The following NCKAP5 variants were observed in gnomAD, a reference collection of about 807,000 sequenced individuals.
NCKAP5 encodes the protein NCK associated protein 5.
A neutral mutation model predicts 167.0 loss-of-function variants in NCKAP5; 92 were observed. That is an observed-to-expected ratio of 0.55 (90% CI 0.47 to 0.66). NCKAP5 has a LOEUF of 0.66. Among genes scored for constraint, NCKAP5 ranks in the 30% least tolerant of loss-of-function variants. The pLI is 0.00. For synonymous variants in NCKAP5, 891 were observed against 877.4 expected, an observed-to-expected ratio of 1.02 and a Z score of -0.27; for missense variants, 2,378 against 2,315.0, an observed-to-expected ratio of 1.03 and a Z score of -0.56.
At chr2:133,462,120 T>A (rs1335616169) in intron 3 of NCKAP5, among the ~76,000 whole-genome samples, 4 of 152,226 alleles carry the variant, frequency 2.6e-5, no homozygotes, top group Admixed American at 6.5e-5. Context: ...TAAATAATTT[T>A]AAAAATGTAT....
intron 8 of NCKAP5, among the ~76,000 whole-genome samples, chr2:132,929,052 T>C (rs1051668628): frequency 6.6e-6 from 1 of 152,166 alleles, no homozygotes; most frequent in Admixed American, 6.5e-5. Context: ...TGATGGTATC[T>C]GGAGGCAAAC....
intron 3 of NCKAP5, among the ~76,000 whole-genome samples, chr2:133,346,861 CAGA>C (rs1684012799): frequency 6.6e-6 from 1 of 152,232 alleles, no homozygotes; most frequent in Admixed American, 6.5e-5. Flanking sequence ...GCTTGCTCAG[CAGA>C]AGACTTGAGT....
intron 6 of NCKAP5, among the ~76,000 whole-genome samples, chr2:133,028,209 A>G (rs1277963836): frequency 1.3e-5 from 2 of 152,190 alleles, no homozygotes; most frequent in African/African-American, 4.8e-5. Context: ...TTAGAGGAAT[A>G]AAAAATAAGA....
intron 16 of NCKAP5, among the ~76,000 whole-genome samples, chr2:132,770,572 A>G (rs1021383437): frequency 6.6e-6 from 1 of 151,872 alleles, no homozygotes; most frequent in Non-Finnish European, 1.5e-5. Flanking sequence ...CACTTTGAAG[A>G]GATACATCTG....
chr2:133,503,854 G>A (rs1266247747), intron 3 of NCKAP5, among the ~76,000 whole-genome samples: 1 of 152,172 alleles, frequency 6.6e-6, no homozygotes, highest in African/African-American at 2.4e-5. Flanking sequence ...AGAGCACATT[G>A]TCCATCAGCC....
intron 3 of NCKAP5, among the ~76,000 whole-genome samples, chr2:133,326,299 C>T (rs1682438516): frequency 6.6e-6 from 1 of 151,796 alleles, no homozygotes; most frequent in African/African-American, 2.4e-5. Context: ...ACTGAAAATA[C>T]AAAAATTAGC....
chr2:133,174,417 A>G (rs1449707030), intron 5 of NCKAP5, among the ~76,000 whole-genome samples: 2 of 152,172 alleles, frequency 1.3e-5, no homozygotes, highest in Non-Finnish European at 2.9e-5. Flanking sequence ...TTTAACATAT[A>G]TCATGGAAGA....
chr2:132,961,095 G>A (rs1307233300), intron 8 of NCKAP5, among the ~76,000 whole-genome samples: 3 of 151,810 alleles, frequency 2.0e-5, no homozygotes, highest in African/African-American at 7.3e-5. Context: ...AATCTTCCAG[G>A]GGAGCATTTC....
the NCKAP5 span, among the ~76,000 whole-genome samples, chr2:133,651,687 T>C: frequency 1.4e-3 from 216 of 152,288 alleles, 1 homozygote; most frequent in African/African-American, 5.0e-3. Flanking sequence ...GAAATCAGGA[T>C]CTCAAAGAGA....
At chr2:132,899,604 G>A (rs973150657) in intron 8 of NCKAP5, among the ~76,000 whole-genome samples, 1 of 152,268 alleles carries the variant, frequency 6.6e-6, no homozygotes, top group Non-Finnish European at 1.5e-5. Context: ...GCCGAGCACA[G>A]TGGCTCATGC....
Position 133,426,718 on chromosome 2 carries a change from A to G in NCKAP5, c.69+90740T>C, listed in dbSNP as rs1574936418. On this transcript the variant is annotated intron_variant, in intron 3 of 19. Transcript: ENST00000409261. ...TCAAGTATGGAAATTCAAATAAAGT[A>G]TGATCTTTAGTTAATAAGAGTGTAT... is the stretch of plus-strand genomic sequence containing the variant. Among the ~76,000 whole-genome samples, 3 of 152,212 alleles carry G rather than the reference A, an allele frequency of 2.0e-5. No individual in the cohort carries two copies. In the South Asian group the frequency reaches 6.2e-4, roughly 32 times the overall value.
intron 3 of NCKAP5, among the ~76,000 whole-genome samples, chr2:133,352,495 T>A (rs1487384495): frequency 1.3e-5 from 2 of 152,080 alleles, no homozygotes; most frequent in Non-Finnish European, 2.9e-5. Flanking sequence ...AGAGAAGAGG[T>A]CTGAAGGCCT....
At chr2:133,672,007 A>G in the NCKAP5 span, among the ~76,000 whole-genome samples, 1 of 152,246 alleles carries the variant, frequency 6.6e-6, no homozygotes, top group African/African-American at 2.4e-5. Context: ...AGAAGGAGAT[A>G]AACAAATAAA....
At chr2:132,796,298 T>C (rs1277178970) in intron 12 of NCKAP5, among the ~76,000 whole-genome samples, 1 of 152,104 alleles carries the variant, frequency 6.6e-6, no homozygotes, top group Non-Finnish European at 1.5e-5. Context: ...TAATATATCA[T>C]AAAAGTAGGA....
chr2:133,375,884 G>A (rs534854118), intron 3 of NCKAP5, among the ~76,000 whole-genome samples: 2 of 152,284 alleles, frequency 1.3e-5, no homozygotes, highest in East Asian at 3.9e-4. Flanking sequence ...AAGAATAGGT[G>A]TATAAATGAA....
chr2:133,094,697 G>A (rs1489350572), intron 6 of NCKAP5, among the ~76,000 whole-genome samples: 1 of 152,098 alleles, frequency 6.6e-6, no homozygotes, highest in African/African-American at 2.4e-5. Context: ...ATTAGTTAAG[G>A]TTACTAATAA....
intron 19 of NCKAP5, among the ~76,000 whole-genome samples, chr2:132,725,148 C>G (rs781518145): frequency 1.3e-5 from 2 of 152,182 alleles, no homozygotes; most frequent in African/African-American, 4.8e-5. Flanking sequence ...GACTTTTCTA[C>G]TGCCAATTCT....
intron 8 of NCKAP5, among the ~76,000 whole-genome samples, chr2:132,942,317 A>G (rs1393891078): frequency 6.6e-6 from 1 of 152,194 alleles, no homozygotes; most frequent in Non-Finnish European, 1.5e-5. Context: ...TGTTAAAAAA[A>G]TTTATTGCTG....
intron 8 of NCKAP5, among the ~76,000 whole-genome samples, chr2:132,953,007 T>C (rs2076235043): frequency 6.6e-6 from 1 of 152,226 alleles, no homozygotes; most frequent in Admixed American, 6.5e-5. Flanking sequence ...CTGAGGCAAC[T>C]GCATGAGTTT....
Sources: gnomAD v4.1 joint callset for allele counts (sites outside exome capture counted in the v4.1 genomes callset) on GRCh38, gnomAD v4.1.1 for gene constraint, MANE v1.5 for transcripts, NCBI Gene and HGNC (gene_info 2026-07-23, HGNC 2026-07-21) for gene names.